Variants in GPC5 observed in about 807,000 individuals in gnomAD.
GPC5 encodes glypican-5.
In GPC5, 47 loss-of-function variants were observed where a neutral mutation model predicts 53.9. The observed-to-expected ratio is 0.87, with a 90% CI of 0.69 to 1.11. The LOEUF is 1.11. GPC5 is among the 50% of genes most tolerant of loss of function. The probability of loss-of-function intolerance (pLI) is 0.00; values close to 1 mark genes in which losing one functional copy is unlikely to be tolerated. For synonymous variants in GPC5, 286 were observed against 263.3 expected (o/e 1.09, Z -0.84); for missense variants, 748 against 713.1 (o/e 1.05, Z -0.56).
At chr13:91,750,630 A>G (rs1306542862) in intron 4 of GPC5, among the ~76,000 whole-genome samples, 2 of 149,726 alleles carry the variant, frequency 1.3e-5, no homozygotes, top group African/African-American at 4.9e-5. Flanking sequence ...TTGAATTCTG[A>G]TAATAGGGCC....
chr13:92,525,765 G>A (rs1430125157), intron 7 of GPC5, among the ~76,000 whole-genome samples: 2 of 151,970 alleles, frequency 1.3e-5, no homozygotes, highest in East Asian at 1.9e-4. Context: ...TCTGGCACTA[G>A]CTGATGGTGA....
At chr13:92,773,832 A>C (rs763721168) in intron 7 of GPC5, among the ~76,000 whole-genome samples, 1 of 152,152 alleles carries the variant, frequency 6.6e-6, no homozygotes, top group Non-Finnish European at 1.5e-5. Flanking sequence ...AGACATACCC[A>C]AGACTGGGTA....
chr13:92,263,282 A>C (rs2042779097), intron 7 of GPC5, among the ~76,000 whole-genome samples: 1 of 152,192 alleles, frequency 6.6e-6, no homozygotes, highest in Non-Finnish European at 1.5e-5. Flanking sequence ...TTAAATATTT[A>C]CATATTAAAA....
chr13:91,911,710 T>G (rs2039612192), intron 6 of GPC5, among the ~76,000 whole-genome samples: 1 of 152,094 alleles, frequency 6.6e-6, no homozygotes, highest in Non-Finnish European at 1.5e-5. Context: ...TAACTGGAAC[T>G]AGAATAATAA....
chr13:92,471,533 A>G, intron 7 of GPC5, among the ~76,000 whole-genome samples: 1 of 125,100 alleles, frequency 8.0e-6, no homozygotes, highest in South Asian at 2.5e-4. Context: ...TATAATAAGG[A>G]ACGTACATCT....
chr13:92,424,811 TATTCATTC>T (rs552617474), intron 7 of GPC5, among the ~76,000 whole-genome samples: 162 of 82,758 alleles, frequency 2.0e-3, no homozygotes, highest in African/African-American at 6.8e-3. Context: ...AATATTCATC[TATTCATTC>T]ATTCATTCAT....
chr13:92,338,087 T>C (rs1049135905), intron 7 of GPC5, among the ~76,000 whole-genome samples: 1 of 151,714 alleles, frequency 6.6e-6, no homozygotes, highest in Non-Finnish European at 1.5e-5. Flanking sequence ...ATCCCAAAGA[T>C]AGAAAAATAC....
intron 7 of GPC5, among the ~76,000 whole-genome samples, chr13:92,185,117 C>A (rs1372949890): frequency 6.6e-6 from 1 of 151,998 alleles, no homozygotes; most frequent in Non-Finnish European, 1.5e-5. Context: ...GTTTATTGTT[C>A]AAGAATCAGT....
chr13:92,595,585 G>A (rs529711871), intron 7 of GPC5, among the ~76,000 whole-genome samples: 6 of 151,572 alleles, frequency 4.0e-5, no homozygotes, highest in Admixed American at 2.0e-4. Context: ...TGGCTAACAC[G>A]GTGAAACCCC....
chr13:92,109,686 C>T (rs1210580255), intron 6 of GPC5, among the ~76,000 whole-genome samples: 1 of 152,090 alleles, frequency 6.6e-6, no homozygotes, highest in Non-Finnish European at 1.5e-5. Context: ...ATGTCTTCCC[C>T]ATTACCGTAG....
Position 92,048,534 on chromosome 13 carries a change from G to A in GPC5, c.1402-96296G>A, listed in dbSNP as rs554590096. 5.9e-4 allele frequency among the ~76,000 whole-genome samples: 90 copies of A among 152,202 alleles called. 1 individual carries two copies. The South Asian group carries it at 7.3e-3, about 12-fold the overall frequency. On this transcript the variant is annotated intron_variant, in intron 6 of 7. Transcript: ENST00000377067. ...GATTGTCTCCAGGAACATCTCTGCA[G>A]GAAGCCAACACATCTATCGCTAATA...
chr13:92,333,987 A>G (rs1020675573), intron 7 of GPC5, among the ~76,000 whole-genome samples: 6 of 152,200 alleles, frequency 3.9e-5, no homozygotes, highest in Non-Finnish European at 7.3e-5. Context: ...CTATGGGTCA[A>G]AAATATTGAA....
chr13:92,308,622 G>A (rs960876465), intron 7 of GPC5, among the ~76,000 whole-genome samples: 1 of 152,076 alleles, frequency 6.6e-6, no homozygotes, highest in South Asian at 2.1e-4. Context: ...GAAGAGCCTT[G>A]TTTAAAGAGC....
At chr13:92,826,242 T>A (rs1877842884) in intron 7 of GPC5, among the ~76,000 whole-genome samples, 1 of 152,098 alleles carries the variant, frequency 6.6e-6, no homozygotes, top group South Asian at 2.1e-4. Context: ...AAAGGGAGAT[T>A]ATTCTGGGAG....
chr13:91,775,333 T>G (rs1336015488), intron 5 of GPC5, among the ~76,000 whole-genome samples: 2 of 152,186 alleles, frequency 1.3e-5, no homozygotes, highest in Non-Finnish European at 1.5e-5. Flanking sequence ...GTCTCCATTT[T>G]ACCACCATTT....
At chr13:91,776,813 A>G (rs558193329) in intron 5 of GPC5, among the ~76,000 whole-genome samples, 7 of 152,346 alleles carry the variant, frequency 4.6e-5, no homozygotes, top group African/African-American at 1.7e-4. Flanking sequence ...TGTCAGTGGT[A>G]TGGCTCACAT....
chr13:92,685,521 G>C, intron 7 of GPC5, among the ~76,000 whole-genome samples: 1 of 132,916 alleles, frequency 7.5e-6, no homozygotes, highest in South Asian at 2.5e-4. Flanking sequence ...AAATAATCAA[G>C]TTATTTATGA....
At chr13:91,867,345 A>C (rs2039096419) in intron 5 of GPC5, among the ~76,000 whole-genome samples, 1 of 152,202 alleles carries the variant, frequency 6.6e-6, no homozygotes, top group Admixed American at 6.5e-5. Flanking sequence ...GTTTGCCTGA[A>C]CTCTAATCTT....
intron 7 of GPC5, among the ~76,000 whole-genome samples, chr13:92,233,075 A>T (rs1490470988): frequency 6.6e-6 from 1 of 152,130 alleles, no homozygotes; most frequent in Non-Finnish European, 1.5e-5. Context: ...CTTTATTGCC[A>T]CTCTGGCTAC....
Sources: allele counts gnomAD v4.1 joint callset (sites outside exome capture counted in the v4.1 genomes callset), GRCh38; gene constraint gnomAD v4.1.1; transcripts MANE v1.5; gene names NCBI Gene and HGNC (gene_info 2026-07-23, HGNC 2026-07-21).